EFCAB5: variants seen among roughly 807,000 people sequenced by gnomAD.
The protein encoded by EFCAB5 is EF-hand calcium-binding domain-containing protein 5.
A neutral mutation model predicts 167.9 loss-of-function variants in EFCAB5; 131 were observed. That is an observed-to-expected ratio of 0.78 (90% confidence interval 0.68 to 0.90). EFCAB5 has a LOEUF of 0.90. Among genes scored for constraint, EFCAB5 ranks in the 40% least tolerant of loss-of-function variants. The pLI is 0.00. For missense variants in EFCAB5, 1,663 were observed against 1,745.2 expected, an observed-to-expected ratio of 0.95 and a Z score of 0.84; for synonymous variants, 574 against 602.8, an observed-to-expected ratio of 0.95 and a Z score of 0.70.
intron 7 of EFCAB5, among the ~76,000 whole-genome samples, chr17:30,024,079 T>C (rs2069252143): frequency 1.3e-5 from 2 of 152,170 alleles, no homozygotes; most frequent in Admixed American, 6.5e-5. Context: ...AATATCATAC[T>C]GAATGGGCAA....
intron 7 of EFCAB5, among the ~76,000 whole-genome samples, chr17:30,018,606 T>G (rs2069103457): frequency 6.6e-6 from 1 of 152,184 alleles, no homozygotes; most frequent in African/African-American, 2.4e-5. Context: ...TCTTGTCTTT[T>G]CACCTGAATT....
intron 14 of EFCAB5, chr17:30,068,574 G>A: frequency 2.0e-6 from 2 of 1,006,768 alleles, no homozygotes; most frequent in African/African-American, 3.3e-5. Flanking sequence ...TACTACCGCT[G>A]TCACCAGCTG....
At chr17:29,976,925 T>C in intron 4 of EFCAB5, among the ~76,000 whole-genome samples, 1 of 152,120 alleles carries the variant, frequency 6.6e-6, no homozygotes. Context: ...ATCTGAAAAA[T>C]ACAGTATCAC....
At chr17:30,085,635 G>A (rs1011673122) in intron 18 of EFCAB5, among the ~76,000 whole-genome samples, 10 of 151,994 alleles carry the variant, frequency 6.6e-5, no homozygotes, top group South Asian at 4.2e-4. Flanking sequence ...GGAGAATGGC[G>A]TGAACCCGGA....
intron 4 of EFCAB5, among the ~76,000 whole-genome samples, chr17:29,973,935 AT>A (rs2068011896): frequency 6.6e-6 from 1 of 151,706 alleles, no homozygotes; most frequent in Admixed American, 6.6e-5. Context: ...AGATGGGTGA[AT>A]CACCTGAGGT....
Position 29,942,278 on chromosome 17 carries a change from A to C in EFCAB5, c.81A>C (p.Leu27Phe). The change falls in exon 2 of 23, where the codon TTA becomes TTC. Residue 27 changes from leucine (L) to phenylalanine (F), a missense_variant. Physicochemically the swap from Leu to Phe is conservative, Grantham distance 22. Transcript: ENST00000394835. ...AAGACAAAGAGAGGAAATGGAACTT[A>C]ACTGAAGTGAAAGAGCTTCATGAGG... ...RKEDKERKWN[L>F]TEVKELHETL... 1 of 1,591,626 alleles carries C rather than the reference A, an allele frequency of 6.3e-7. No individual in the cohort carries two copies. Among genetic ancestry groups the C allele is most frequent in the Non-Finnish European group, 8.6e-7 (1 of 1,168,626 alleles).
intron 7 of EFCAB5, 115 bp from the exon 8 acceptor site, chr17:30,034,115 A>G (rs372417632): frequency 2.1e-5 from 26 of 1,265,576 alleles, no homozygotes; most frequent in East Asian, 1.5e-4. Context: ...TAAGCAAATC[A>G]TATGGAAACA....
In EFCAB5 at chr17:30,108,228, G is replaced by A. The variant is rs2071475287; in HGVS notation, c.*204G>A. 1 of 480,554 alleles carries A rather than the reference G, an allele frequency of 2.1e-6. No individual in the cohort carries two copies. Among genetic ancestry groups the A allele is most frequent in the East Asian group, 4.3e-5 (1 of 23,490 alleles). The allele number at this position is 480,554 out of a possible 1,614,324, so 29.8% of individuals were successfully genotyped here. A position where few individuals can be genotyped will look rare whatever the true frequency, so the allele number is the denominator to read the frequency against. ...AAAATACCCAGCTAAGGTAGCCATAGCCAAGTGTATTTAAGTATGTTATAG... is the reference window on the plus strand; with the variant it reads ...AAAATACCCAGCTAAGGTAGCCATAACCAAGTGTATTTAAGTATGTTATAG... On this transcript the variant is annotated 3_prime_UTR_variant, in exon 23 of 23. Transcript: ENST00000394835.
At chr17:30,081,199 C>T (rs12103671) in intron 17 of EFCAB5, among the ~76,000 whole-genome samples, 77,647 of 151,986 alleles carry the variant, frequency 0.51, 20,232 homozygotes, top group African/African-American at 0.57. Flanking sequence ...ATGCCTCAGC[C>T]TCATGTGTCC....
At chr17:29,945,782 T>C (rs1338399013) in intron 3 of EFCAB5, among the ~76,000 whole-genome samples, 1 of 152,102 alleles carries the variant, frequency 6.6e-6, no homozygotes, top group Admixed American at 6.6e-5. Flanking sequence ...ATTGGCTAGC[T>C]ACATGTAGAA....
At chr17:30,068,710 G>T in intron 14 of EFCAB5, 8 of 1,549,914 alleles carry the variant, frequency 5.2e-6, no homozygotes, top group Non-Finnish European at 7.1e-6. Context: ...AGTGGCAGTG[G>T]GTGGCAGAGT....
chr17:30,001,412 A>G (rs553427079), intron 7 of EFCAB5, among the ~76,000 whole-genome samples: 1 of 152,358 alleles, frequency 6.6e-6, no homozygotes, highest in Admixed American at 6.5e-5. Context: ...ACTGATGTTC[A>G]GTGGTACTTG....
intron 8 of EFCAB5, among the ~76,000 whole-genome samples, chr17:30,044,625 C>T (rs190172868): frequency 2.0e-5 from 3 of 152,082 alleles, no homozygotes; most frequent in Non-Finnish European, 4.4e-5. Flanking sequence ...GAAAAAAACA[C>T]TGACAATACC....
intron 8 of EFCAB5, among the ~76,000 whole-genome samples, chr17:30,049,044 C>A (rs1027544261): frequency 6.6e-6 from 1 of 151,976 alleles, no homozygotes; most frequent in South Asian, 2.1e-4. Flanking sequence ...TATACATAGA[C>A]CTTGATTGTA....
At chr17:29,941,048 AG>A (rs1293090520), upstream of EFCAB5, among the ~76,000 whole-genome samples, 1 of 152,030 alleles carries the variant, frequency 6.6e-6, no homozygotes, top group African/African-American at 2.4e-5. Context: ...AAAAAAAAAA[AG>A]AAAAGAAAGA....
At chr17:30,107,342 G>T (rs2071461846) in intron 22 of EFCAB5, among the ~76,000 whole-genome samples, 1 of 152,098 alleles carries the variant, frequency 6.6e-6, no homozygotes, top group Admixed American at 6.6e-5. Context: ...CTATATTTGA[G>T]TTAGACTTTT....
chr17:30,063,927 A>G (rs1421269597), intron 14 of EFCAB5, among the ~76,000 whole-genome samples: 1 of 152,200 alleles, frequency 6.6e-6, no homozygotes, highest in Admixed American at 6.5e-5. Context: ...AGCTGAAGAA[A>G]CTGCACAGAG....
intron 22 of EFCAB5, among the ~76,000 whole-genome samples, chr17:30,094,194 C>T (rs929101079): frequency 4.4e-4 from 67 of 152,152 alleles, no homozygotes; most frequent in African/African-American, 1.5e-3. Context: ...TTAGGGCTTC[C>T]GCTGCCAACT....
chr17:29,980,249 C>A (rs2068146368), intron 4 of EFCAB5, among the ~76,000 whole-genome samples: 1 of 152,178 alleles, frequency 6.6e-6, no homozygotes, highest in African/African-American at 2.4e-5. Flanking sequence ...CTACTGAGTT[C>A]TCAGTGGTGA....
Sources: gnomAD v4.1 joint callset for allele counts (sites outside exome capture counted in the v4.1 genomes callset) on GRCh38, gnomAD v4.1.1 for gene constraint, MANE v1.5 for transcripts, NCBI Gene and HGNC (gene_info 2026-07-23, HGNC 2026-07-21) for gene names.